ANKRD55: variants seen among roughly 807,000 people sequenced by gnomAD.
ANKRD55 encodes ankyrin repeat domain-containing protein 55.
ANKRD55 carries 41 observed loss-of-function variants against 60.6 expected under a neutral mutation model. That is an observed-to-expected ratio of 0.68 (90% confidence interval 0.53 to 0.88). The LOEUF is 0.88. Among genes scored for constraint, ANKRD55 ranks in the 40% least tolerant of loss-of-function variants. ANKRD55 has a pLI of 0.00. For synonymous variants in ANKRD55, 264 were observed against 290.3 expected, an observed-to-expected ratio of 0.91 and a Z score of 0.92; for missense variants, 732 against 767.6, an observed-to-expected ratio of 0.95 and a Z score of 0.55.
intron 4 of ANKRD55, among the ~76,000 whole-genome samples, 168 bp from the exon 5 acceptor site, chr5:56,170,971 G>A (rs1758601546): frequency 1.3e-5 from 2 of 152,150 alleles, no homozygotes; most frequent in South Asian, 4.1e-4. Context: ...TCAACAGATG[G>A]CCGAAGGTCT....
chr5:56,129,629 A>G (rs1757358383), intron 7 of ANKRD55, among the ~76,000 whole-genome samples: 1 of 152,176 alleles, frequency 6.6e-6, no homozygotes, highest in Non-Finnish European at 1.5e-5. Context: ...CAATATCCTA[A>G]CTGTAGACAT....
chr5:56,132,672 A>G (rs1757456405), intron 7 of ANKRD55, among the ~76,000 whole-genome samples: 1 of 152,138 alleles, frequency 6.6e-6, no homozygotes, highest in African/African-American at 2.4e-5. Flanking sequence ...CTATATGAAT[A>G]ATCACTCTGA....
intron 3 of ANKRD55, 95 bp from the exon 4 acceptor site, chr5:56,176,377 A>C: frequency 7.0e-7 from 1 of 1,437,688 alleles, no homozygotes; most frequent in Non-Finnish European, 9.7e-7. Context: ...TGCTATTTGC[A>C]ATACAAACCC....
intron 2 of ANKRD55, among the ~76,000 whole-genome samples, chr5:56,219,558 T>G (rs1759911892): frequency 1.3e-5 from 2 of 152,182 alleles, no homozygotes; most frequent in Non-Finnish European, 2.9e-5. Context: ...AAAACCATCA[T>G]GACTTTAAAA....
chr5:56,221,568 C>G (rs1759967894), intron 2 of ANKRD55, among the ~76,000 whole-genome samples: 1 of 152,196 alleles, frequency 6.6e-6, no homozygotes, highest in South Asian at 2.1e-4. Flanking sequence ...GCGGGAAGCG[C>G]AAGGGGTGGG....
At chr5:56,111,015 C>G in intron 10 of ANKRD55, 103 bp downstream of exon 10, 1 of 1,365,716 alleles carries the variant, frequency 7.3e-7, no homozygotes, top group Non-Finnish European at 1.0e-6. Flanking sequence ...TTATTCTCAC[C>G]CTGCCTTCTA....
At chr5:56,166,143 T>TTTC (rs57541801) in intron 5 of ANKRD55, among the ~76,000 whole-genome samples, 1,480 of 98,890 alleles carry the variant, frequency 0.015, 75 homozygotes, top group African/African-American at 0.051. Context: ...TCTTTCTTTC[T>TTTC]TTCTTTCTTT....
chr5:56,176,028 T>A (rs974036840), intron 4 of ANKRD55, 124 bp downstream of exon 4: 1 of 1,270,564 alleles, frequency 7.9e-7, no homozygotes, highest in African/African-American at 1.5e-5. Context: ...GGAGTAAAGC[T>A]TCAAGTTCCA....
At chr5:56,145,357 C>T (rs1406312555) in intron 6 of ANKRD55, among the ~76,000 whole-genome samples, 2 of 152,158 alleles carry the variant, frequency 1.3e-5, no homozygotes, top group Admixed American at 6.5e-5. Flanking sequence ...CAGGCCTGGG[C>T]TAGAAAAAAA....
intron 4 of ANKRD55, among the ~76,000 whole-genome samples, chr5:56,171,722 G>A (rs1758614052): frequency 1.3e-5 from 2 of 152,154 alleles, no homozygotes; most frequent in Admixed American, 1.3e-4. Flanking sequence ...TCAGAAGCAG[G>A]CTTCCCACCT....
chr5:56,224,194 T>A, intron 2 of ANKRD55, among the ~76,000 whole-genome samples: 1 of 152,036 alleles, frequency 6.6e-6, no homozygotes, highest in Non-Finnish European at 1.5e-5. Flanking sequence ...CACTCAAAAC[T>A]GCTCAACTAC....
intron 5 of ANKRD55, among the ~76,000 whole-genome samples, chr5:56,162,571 G>A (rs1010086807): frequency 1.3e-5 from 2 of 151,866 alleles, no homozygotes; most frequent in African/African-American, 4.8e-5. Context: ...GCCCCTTTAG[G>A]TCTAGAAAGT....
chr5:56,182,936 C>G (rs1361120887), intron 3 of ANKRD55, among the ~76,000 whole-genome samples: 1 of 152,092 alleles, frequency 6.6e-6, no homozygotes, highest in Non-Finnish European at 1.5e-5. Flanking sequence ...AGAGAGAAGG[C>G]TTTTGTTGTT....
intron 8 of ANKRD55, among the ~76,000 whole-genome samples, chr5:56,125,269 C>A (rs1158766903): frequency 1.3e-5 from 2 of 151,484 alleles, no homozygotes; most frequent in Non-Finnish European, 2.9e-5. Flanking sequence ...AAAACACTTA[C>A]TTTTTTCTTT....
At chr5:56,123,240 G>A (rs554889863) in intron 8 of ANKRD55, among the ~76,000 whole-genome samples, 74 of 152,208 alleles carry the variant, frequency 4.9e-4, no homozygotes, top group Non-Finnish European at 9.6e-4. Flanking sequence ...CTCAGGCCTG[G>A]AGGCAGCCTG....
At chr5:56,225,204 A>T (rs1760077971) in intron 2 of ANKRD55, among the ~76,000 whole-genome samples, 1 of 152,208 alleles carries the variant, frequency 6.6e-6, no homozygotes. Context: ...AACGTAATCC[A>T]TCATATAAAC....
intron 2 of ANKRD55, among the ~76,000 whole-genome samples, chr5:56,212,132 A>G (rs1759690811): frequency 6.6e-6 from 1 of 151,894 alleles, no homozygotes; most frequent in Non-Finnish European, 1.5e-5. Context: ...CAAAATTGTA[A>G]GTTTCAAATT....
At chr5:56,109,751 G>T (rs1756616301) in intron 10 of ANKRD55, among the ~76,000 whole-genome samples, 1 of 152,176 alleles carries the variant, frequency 6.6e-6, no homozygotes, top group Non-Finnish European at 1.5e-5. Context: ...GCCAGGCGCG[G>T]TGGCTCACGC....
At chr5:56,132,644 T>C (rs1049704063) in intron 7 of ANKRD55, among the ~76,000 whole-genome samples, 1 of 149,092 alleles carries the variant, frequency 6.7e-6, no homozygotes, top group East Asian at 1.9e-4. Context: ...GTAACAAATA[T>C]GATCGATGTT....
Sources: allele counts gnomAD v4.1 joint callset (sites outside exome capture counted in the v4.1 genomes callset), GRCh38; gene constraint gnomAD v4.1.1; transcripts MANE v1.5; gene names NCBI Gene and HGNC (gene_info 2026-07-23, HGNC 2026-07-21).